Variants in DPP10 observed in about 807,000 individuals in gnomAD.
DPP10 encodes the protein inactive dipeptidyl peptidase 10.
DPP10 carries 33 observed loss-of-function variants against 120.9 expected under a neutral mutation model. That is an observed-to-expected ratio of 0.27 (90% CI 0.21 to 0.37). The LOEUF is 0.37. DPP10 is among the 10% of genes least tolerant of loss of function. DPP10 has a pLI of 1.00. For synonymous variants in DPP10, 337 were observed against 326.1 expected (o/e 1.03, Z -0.36); for missense variants, 816 against 942.8 (o/e 0.87, Z 1.76).
chr2:115,492,107 G>A (rs184223082), intron 3 of DPP10, among the ~76,000 whole-genome samples: 37 of 152,122 alleles, frequency 2.4e-4, no homozygotes, highest in African/African-American at 7.2e-4. Context: ...ATATATGATC[G>A]ATGTGGTCAA....
chr2:114,907,896 A>T (rs1694089835), intron 1 of DPP10, among the ~76,000 whole-genome samples: 1 of 151,988 alleles, frequency 6.6e-6, no homozygotes, highest in Non-Finnish European at 1.5e-5. Context: ...TATTATTGGA[A>T]ATTGAGTATT....
intron 1 of DPP10, among the ~76,000 whole-genome samples, chr2:115,196,555 C>G (rs913631909): frequency 6.6e-6 from 1 of 152,150 alleles, no homozygotes; most frequent in Non-Finnish European, 1.5e-5. Context: ...TCTAATTGCA[C>G]TGACCCATAA....
chr2:115,281,107 A>C (rs746259835), intron 1 of DPP10, among the ~76,000 whole-genome samples: 2 of 152,166 alleles, frequency 1.3e-5, no homozygotes, highest in Non-Finnish European at 2.9e-5. Context: ...ACAGATTTCT[A>C]TTACATCTCC....
In DPP10 at chr2:115,749,004, T is replaced by C. The variant is rs1004264463; in HGVS notation, c.950+2821T>C. The stretch of plus-strand genomic sequence containing the variant: ...GTTTATCTTTACCTGAATCACAGTC[T>C]GTATTGATTCTGAAAAGAATGTAGC... On this transcript the variant is annotated intron_variant, in intron 10 of 25. Transcript: ENST00000410059. Among the ~76,000 whole-genome samples the C allele has an allele frequency of 5.9e-5, 9 of 152,290 alleles. 1 individual carries two copies. Among genetic ancestry groups the C allele is most frequent in the Admixed American group, 3.9e-4 (6 of 15,290 alleles).
intron 5 of DPP10, chr2:115,526,257 C>T (rs111233747): frequency 1.7e-5 from 5 of 298,918 alleles, no homozygotes; most frequent in East Asian, 6.9e-5. Context: ...CCAACAAATG[C>T]GGGCTTGTGA....
chr2:115,424,274 A>G (rs1289500237), intron 3 of DPP10, among the ~76,000 whole-genome samples: 1 of 152,152 alleles, frequency 6.6e-6, no homozygotes, highest in Non-Finnish European at 1.5e-5. Context: ...GTATGGCAGT[A>G]GTTTTTGCAT....
chr2:114,902,150 G>A (rs1693625986), intron 1 of DPP10, among the ~76,000 whole-genome samples: 1 of 152,174 alleles, frequency 6.6e-6, no homozygotes. Context: ...GCCATTTTCT[G>A]AGACTTTTTG....
chr2:114,744,373 C>T (rs1266808939), intron 1 of DPP10, among the ~76,000 whole-genome samples: 1 of 152,106 alleles, frequency 6.6e-6, no homozygotes, highest in Non-Finnish European at 1.5e-5. Context: ...AATTTGGAAG[C>T]TATTTTCAAC....
At chr2:115,476,219 C>T (rs1407308719) in intron 3 of DPP10, among the ~76,000 whole-genome samples, 1 of 152,026 alleles carries the variant, frequency 6.6e-6, no homozygotes, top group Non-Finnish European at 1.5e-5. Flanking sequence ...GGCAGATTTT[C>T]CTTTCGATGT....
At chr2:115,351,938 A>G (rs1445974946) in intron 3 of DPP10, among the ~76,000 whole-genome samples, 1 of 152,110 alleles carries the variant, frequency 6.6e-6, no homozygotes, top group Non-Finnish European at 1.5e-5. Flanking sequence ...CATACTAACT[A>G]CGATATTCAA....
At chr2:115,087,538 C>CTTTT (rs56685721) in intron 1 of DPP10, among the ~76,000 whole-genome samples, 3 of 99,232 alleles carry the variant, frequency 3.0e-5, no homozygotes, top group African/African-American at 1.2e-4. Flanking sequence ...CTTTTCTTTT[C>CTTTT]TTTTTTTTTT....
rs1004467874 is a variant in DPP10, at chr2:115,559,754, C to T, written c.441+33782C>T. Among the ~76,000 whole-genome samples the T allele has an allele frequency of 3.3e-5, 5 of 152,100 alleles. No homozygotes were observed. In the East Asian group the frequency reaches 5.8e-4, roughly 18 times the overall value. On this transcript the variant is annotated intron_variant, in intron 5 of 25. Transcript: ENST00000410059. ...ACAGCCAAAGTACCCAGATGGCATT[C>T]TGAAGTATATCTTACAAATAACAAG...
chr2:114,493,341 A>G (rs780104359), intron 1 of DPP10, among the ~76,000 whole-genome samples: 1 of 152,168 alleles, frequency 6.6e-6, no homozygotes, highest in Non-Finnish European at 1.5e-5. Flanking sequence ...GCTGGAGTAT[A>G]ATTAAAGCAA....
intron 4 of DPP10, among the ~76,000 whole-genome samples, chr2:115,518,150 C>T (rs2077600835): frequency 6.6e-6 from 1 of 152,170 alleles, no homozygotes; most frequent in African/African-American, 2.4e-5. Flanking sequence ...ATGAGGAAGC[C>T]TGTCCCATGA....
At chr2:115,186,997 T>C (rs779861529) in intron 1 of DPP10, among the ~76,000 whole-genome samples, 17 of 147,766 alleles carry the variant, frequency 1.2e-4, no homozygotes, top group Non-Finnish European at 1.3e-4. Context: ...CCCTACTGAA[T>C]TCAGAAGGTG....
intron 1 of DPP10, among the ~76,000 whole-genome samples, chr2:114,883,477 A>T (rs186453627): frequency 9.5e-4 from 145 of 152,332 alleles, no homozygotes; most frequent in Middle Eastern, 3.4e-3. Flanking sequence ...TCATTGAGCT[A>T]GGAATGCATA....
At chr2:115,428,835 A>T (rs948409307) in intron 3 of DPP10, among the ~76,000 whole-genome samples, 3 of 152,198 alleles carry the variant, frequency 2.0e-5, no homozygotes, top group African/African-American at 7.2e-5. Context: ...GGTTATTTAT[A>T]ACCTGATCCA....
chr2:115,392,196 G>T (rs371895422), intron 3 of DPP10, among the ~76,000 whole-genome samples: 1,655 of 146,170 alleles, frequency 0.011, 27 homozygotes, highest in African/African-American at 0.038. Context: ...CTTTTTTTTT[G>T]ATTATTTTGT....
At chr2:114,615,674 G>A (rs553131740) in intron 1 of DPP10, among the ~76,000 whole-genome samples, 2 of 152,236 alleles carry the variant, frequency 1.3e-5, no homozygotes, top group African/African-American at 2.4e-5. Context: ...TTGGGCATAC[G>A]ATGCTTCTTA....
Sources: gnomAD v4.1 joint callset for allele counts (sites outside exome capture counted in the v4.1 genomes callset) on GRCh38, gnomAD v4.1.1 for gene constraint, MANE v1.5 for transcripts, NCBI Gene and HGNC (gene_info 2026-07-23, HGNC 2026-07-21) for gene names.